ZHX3: variants seen among roughly 807,000 people sequenced by gnomAD.
ZHX3 encodes the protein zinc fingers and homeoboxes protein 3.
Under a neutral mutation model 64.5 loss-of-function variants are expected in ZHX3, and 20 were observed. The observed-to-expected ratio is 0.31, with a 90% CI of 0.22 to 0.45. The LOEUF (loss-of-function observed/expected upper bound fraction) is 0.45. Among genes scored for constraint, ZHX3 ranks in the 20% least tolerant of loss-of-function variants. The pLI, the probability that ZHX3 is intolerant of heterozygous loss-of-function variation, is 1.00. For missense variants in ZHX3, 1,041 were observed against 1,195.8 expected, an observed-to-expected ratio of 0.87 and a Z score of 1.91; for synonymous variants, 423 against 461.6, an observed-to-expected ratio of 0.92 and a Z score of 1.07.
intron 2 of ZHX3, among the ~76,000 whole-genome samples, chr20:41,210,419 TCACAATAGCAAAGACTTGGAACCAACC>T (rs2039070031): frequency 6.6e-6 from 1 of 152,252 alleles, no homozygotes; most frequent in Non-Finnish European, 1.5e-5. Context: ...GCGGCACTAT[TCACAATAGCAAAGACTTGGAACCAACC>T]CAAATGTCCA....
intron 2 of ZHX3, among the ~76,000 whole-genome samples, chr20:41,258,050 C>T (rs546443741): frequency 6.6e-6 from 1 of 151,196 alleles, no homozygotes; most frequent in East Asian, 1.9e-4. Flanking sequence ...CAGGCACCCG[C>T]CACCATGCCC....
intron 2 of ZHX3, among the ~76,000 whole-genome samples, chr20:41,233,734 T>C (rs907959752): frequency 6.6e-6 from 1 of 152,084 alleles, no homozygotes; most frequent in African/African-American, 2.4e-5. Context: ...TATCAGGACA[T>C]CAGAACAGAA....
intron 1 of ZHX3, among the ~76,000 whole-genome samples, chr20:41,302,618 C>T (rs542586597): frequency 4.5e-4 from 68 of 152,378 alleles, no homozygotes; most frequent in African/African-American, 1.3e-3. Flanking sequence ...AGACAGATGC[C>T]TATTCTCAAC....
intron 2 of ZHX3, among the ~76,000 whole-genome samples, chr20:41,259,564 G>T (rs926831653): frequency 3.3e-5 from 5 of 152,148 alleles, no homozygotes; most frequent in Admixed American, 1.3e-4. Flanking sequence ...AATGGACATA[G>T]AAAGACTCCC....
At chr20:41,283,575 A>G (rs1270100739) in intron 1 of ZHX3, among the ~76,000 whole-genome samples, 1 of 151,960 alleles carries the variant, frequency 6.6e-6, no homozygotes, top group East Asian at 1.9e-4. Context: ...TGGCTAACAC[A>G]GTGAAACCCT....
At position 41,185,847 on chromosome 20, in the gene ZHX3, G is replaced by A. The variant is rs553237212; in HGVS notation, c.2861-646C>T. On this transcript the variant is annotated intron_variant, in intron 3 of 3. Coordinates refer to ENST00000683867, the MANE Select transcript of ZHX3 (RefSeq NM_001384317.1). This position sits in a 1 kb window ranked among gnomAD's most constrained non-coding sequence, Gnocchi z 5.0. ...TCAGACAGAAGAGAACAATGCCAAT[G>A]GCAATGGCCACCCCCTGCCATTCCT... 9 of 152,454 alleles carry A rather than the reference G, an allele frequency of 5.9e-5. No homozygotes were observed. The highest frequency in any genetic ancestry group is 1.3e-4 in the Admixed American group (2 of 15,302). 9.4% of individuals were successfully genotyped at this position (152,454 alleles called of 1,614,324 possible). A position where few individuals can be genotyped will look rare whatever the true frequency, so the allele number is the denominator to read the frequency against.
intron 2 of ZHX3, among the ~76,000 whole-genome samples, chr20:41,206,035 G>T (rs28595139): frequency 2.6e-5 from 4 of 152,216 alleles, no homozygotes; most frequent in African/African-American, 7.2e-5. Context: ...AGGCAAACAG[G>T]GTCTGGAGTG....
intron 1 of ZHX3, among the ~76,000 whole-genome samples, chr20:41,291,434 C>T (rs548019815): frequency 6.6e-6 from 1 of 152,148 alleles, no homozygotes; most frequent in South Asian, 2.1e-4. Context: ...AGGGTGGCTG[C>T]ATCAACTTTT....
chr20:41,258,909 T>C (rs1327152500), intron 2 of ZHX3, among the ~76,000 whole-genome samples: 1 of 152,206 alleles, frequency 6.6e-6, no homozygotes, highest in African/African-American at 2.4e-5. Flanking sequence ...AAGAGATTAG[T>C]TGATATGATT....
At chr20:41,315,711 C>T (rs773219016) in intron 1 of ZHX3, among the ~76,000 whole-genome samples, 8 of 151,856 alleles carry the variant, frequency 5.3e-5, no homozygotes, top group Admixed American at 2.6e-4. Context: ...CTCTCATAAT[C>T]TAGTTATAAG....
intron 3 of ZHX3, among the ~76,000 whole-genome samples, chr20:41,186,355 T>C (rs1448604377): frequency 2.0e-5 from 3 of 152,266 alleles, no homozygotes; most frequent in Non-Finnish European, 4.4e-5. Context: ...TTTGGCTGAA[T>C]AATATCTTAC....
At chr20:41,188,824 T>C (rs941870298) in intron 3 of ZHX3, among the ~76,000 whole-genome samples, 1 of 152,236 alleles carries the variant, frequency 6.6e-6, no homozygotes, top group Non-Finnish European at 1.5e-5. Flanking sequence ...CTGTGCTGAT[T>C]ATTTCCTTTG....
At chr20:41,252,188 G>A (rs2042026168) in intron 2 of ZHX3, among the ~76,000 whole-genome samples, 1 of 152,164 alleles carries the variant, frequency 6.6e-6, no homozygotes, top group African/African-American at 2.4e-5. Flanking sequence ...AGGCCTGAAA[G>A]ACCAGGAAAT....
intron 2 of ZHX3, 90 bp from the exon 3 acceptor site, chr20:41,205,156 C>A: frequency 1.9e-6 from 1 of 531,630 alleles, no homozygotes; most frequent in Non-Finnish European, 2.9e-6. Flanking sequence ...TGCTTGCCTT[C>A]TACCATCTAG....
At chr20:41,275,958 T>C (rs1429160301) in intron 1 of ZHX3, among the ~76,000 whole-genome samples, 1 of 152,134 alleles carries the variant, frequency 6.6e-6, no homozygotes, top group Non-Finnish European at 1.5e-5. Context: ...ATTCAGAGGA[T>C]GGGTTGGATA....
chr20:41,193,914 G>A (rs1054911115), intron 3 of ZHX3, among the ~76,000 whole-genome samples: 2 of 151,926 alleles, frequency 1.3e-5, no homozygotes, highest in East Asian at 1.9e-4. Context: ...GTTGGCCAGG[G>A]TGGTCTCGAT....
Position 41,200,598 on chromosome 20 carries a change from T to C in ZHX3, c.2860+1459A>G, listed in dbSNP as rs1600744776. ...TGCCGTATTGAAAACATGGCTGGAG[T>C]TGGAGGAGGCTGTAAGGGAGCCAGT... On this transcript the variant is annotated intron_variant, in intron 3 of 3. Transcript: ENST00000683867. The surrounding 1 kb of genome is among the most constrained non-coding windows in gnomAD (Gnocchi z 4.2). Among the ~76,000 whole-genome samples the C allele has an allele frequency of 6.6e-6, 1 of 151,798 alleles. No homozygotes were observed. Among genetic ancestry groups the C allele is most frequent in the Non-Finnish European group, 1.5e-5 (1 of 67,928 alleles).
intron 1 of ZHX3, chr20:41,317,164 C>T: frequency 6.5e-6 from 1 of 153,256 alleles, no homozygotes. Context: ...TCCCCTCTAC[C>T]ACCCCCTTTT....
At chr20:41,236,719 T>C (rs939112411) in intron 2 of ZHX3, among the ~76,000 whole-genome samples, 25 of 152,166 alleles carry the variant, frequency 1.6e-4, no homozygotes, top group African/African-American at 5.8e-4. Context: ...GGGCAAGGAC[T>C]TCATGTCTAA....
Sources: allele counts gnomAD v4.1 joint callset (sites outside exome capture counted in the v4.1 genomes callset), GRCh38; gene constraint gnomAD v4.1.1; non-coding constraint Gnocchi (gnomAD v3.1); transcripts MANE v1.5; gene names NCBI Gene and HGNC (gene_info 2026-07-23, HGNC 2026-07-21).